Variants in ADGRA3 observed in about 807,000 individuals in gnomAD.
The protein encoded by ADGRA3 is G-protein coupled receptor 125.
Under a neutral mutation model 119.8 loss-of-function variants are expected in ADGRA3, and 56 were observed. That is an observed-to-expected ratio of 0.47 (90% CI 0.38 to 0.58). The LOEUF (loss-of-function observed/expected upper bound fraction) is 0.58, where lower values mean the gene tolerates loss of function less well. Ranked by LOEUF, ADGRA3 falls within the 20% of genes least tolerant of loss-of-function variation. The probability of loss-of-function intolerance (pLI) is 0.00; values close to 1 mark genes in which losing one functional copy is unlikely to be tolerated. For missense variants in ADGRA3, 1,516 were observed against 1,649.0 expected, an observed-to-expected ratio of 0.92 and a Z score of 1.40; for synonymous variants, 607 against 623.8, an observed-to-expected ratio of 0.97 and a Z score of 0.40.
chr4:22,512,985 C>T (rs994054544), intron 1 of ADGRA3, among the ~76,000 whole-genome samples: 6 of 152,178 alleles, frequency 3.9e-5, no homozygotes, highest in South Asian at 4.2e-4. Context: ...GAATCTGGGA[C>T]GTGGACTCTG....
chr4:22,463,820 G>A (rs776038971), intron 2 of ADGRA3, among the ~76,000 whole-genome samples: 8 of 152,182 alleles, frequency 5.3e-5, no homozygotes, highest in Admixed American at 1.3e-4. Flanking sequence ...TTCATTTACC[G>A]TAAGCCCAGC....
At chr4:22,514,259 A>C (rs1041288245) in intron 1 of ADGRA3, among the ~76,000 whole-genome samples, 8 of 149,320 alleles carry the variant, frequency 5.4e-5, no homozygotes, top group African/African-American at 2.1e-4. Context: ...GAATCTGACT[A>C]AGAAATAAAT....
intron 12 of ADGRA3, chr4:22,414,426 A>C (rs937508024): frequency 1.7e-5 from 8 of 465,498 alleles, no homozygotes; most frequent in Admixed American, 3.9e-5. Context: ...ATTTTTTCAG[A>C]TTTCTTTATT....
At chr4:22,476,652 T>C (rs947353365) in intron 1 of ADGRA3, among the ~76,000 whole-genome samples, 5 of 151,494 alleles carry the variant, frequency 3.3e-5, no homozygotes, top group African/African-American at 1.2e-4. Context: ...TTTATTCTTT[T>C]TGGGTTTTTC....
chr4:22,398,045 C>T (rs1714441048), intron 16 of ADGRA3: 1 of 982,546 alleles, frequency 1.0e-6, no homozygotes, highest in Non-Finnish European at 1.2e-6. Flanking sequence ...ACTGAGAACA[C>T]AGAGGAGCTA....
At chr4:22,500,390 A>C (rs1232138135) in intron 1 of ADGRA3, among the ~76,000 whole-genome samples, 1 of 152,206 alleles carries the variant, frequency 6.6e-6, no homozygotes, top group South Asian at 2.1e-4. Flanking sequence ...CTGTTTTAGC[A>C]ATCAGGTGAG....
rs1463671956 is a variant in ADGRA3, at chr4:22,402,757, G to A, written c.2275C>T (p.Leu759=). The change falls in exon 15 of 19, where the codon CTG becomes TTG. Residue 759 remains leucine, a synonymous_variant. Coordinates refer to ENST00000334304, the MANE Select transcript of ADGRA3 (RefSeq NM_145290.4). ...SELYTQAASL[L]HPVVYTTAII... ...GCGGTAGTATAAACCACAGGATGCA[G>A]GAGGCTGGCCGCCTGGGTGTATAGT... 2 of 1,613,854 alleles carry A rather than the reference G, an allele frequency of 1.2e-6. No individual in the cohort carries two copies. The highest frequency in any genetic ancestry group is 1.7e-5 in the Admixed American group (1 of 60,006).
intron 2 of ADGRA3, among the ~76,000 whole-genome samples, chr4:22,466,204 C>G (rs962810869): frequency 7.2e-5 from 11 of 152,180 alleles, no homozygotes; most frequent in African/African-American, 2.7e-4. Context: ...ACTCTCACTT[C>G]CCATCTGCTC....
intron 1 of ADGRA3, among the ~76,000 whole-genome samples, chr4:22,491,273 C>T (rs1224557020): frequency 1.3e-5 from 2 of 152,118 alleles, no homozygotes; most frequent in Non-Finnish European, 2.9e-5. Context: ...TGCCAGACGG[C>T]AAATACTTTG....
intron 1 of ADGRA3, among the ~76,000 whole-genome samples, chr4:22,509,327 C>A (rs1482021991): frequency 1.3e-5 from 2 of 151,782 alleles, no homozygotes; most frequent in African/African-American, 4.8e-5. Context: ...ATGGTGAAAC[C>A]CCATCTCTAC....
rs1560291157 is a variant in ADGRA3 at position 22,388,668 on chromosome 4, A to C, written c.3003T>G (p.Leu1001=). 1.2e-6 allele frequency: 2 copies of C among 1,614,100 alleles called. No individual in the cohort carries two copies. The highest frequency in any genetic ancestry group is 1.7e-6 in the Non-Finnish European group (2 of 1,179,994). The change falls in exon 19 of 19, where the codon CTT becomes CTG. Residue 1001 remains leucine, a synonymous_variant. Coordinates refer to ENST00000334304, the MANE Select transcript of ADGRA3 (RefSeq NM_145290.4). The part of the protein sequence containing the change: ...TFHSQLLGAS[L]TLLLYVALWM... ...ACAGTGCAACATATAAGAGCAAAGT[A>C]AGGCTGGCCCCCAAGAGCTGAGAAT...
chr4:22,447,639 T>TTA, intron 4 of ADGRA3, 128 bp from the exon 5 acceptor site: 1 of 529,456 alleles, frequency 1.9e-6, no homozygotes, highest in Non-Finnish European at 3.3e-6. Flanking sequence ...GTTTCAATGC[T>TTA]TATAAAGAGG....
rs1716348567 is a variant in ADGRA3 at position 22,435,306 on chromosome 4, A to G, written c.1443+5T>C. 1 of 1,609,070 alleles carries G rather than the reference A, an allele frequency of 6.2e-7. No individual in the cohort carries two copies. The highest frequency in any genetic ancestry group is 1.3e-5 in the African/African-American group (1 of 74,828). On this transcript the variant is annotated splice_donor_5th_base_variant and intron_variant, in intron 10 of 18. Transcript: ENST00000334304. ...TATGCTACAAATCTGAATTTAGAGA[A>G]GTACCTCTTTTGATTTTTCCTCCTT...
chr4:22,416,184 T>C (rs966218962), intron 12 of ADGRA3, among the ~76,000 whole-genome samples: 2 of 152,216 alleles, frequency 1.3e-5, no homozygotes, highest in Admixed American at 6.5e-5. Context: ...ATCATGAATA[T>C]ACCTTCTTCC....
chr4:22,432,117 A>T (rs1716200647), intron 10 of ADGRA3, among the ~76,000 whole-genome samples: 1 of 152,148 alleles, frequency 6.6e-6, no homozygotes, highest in African/African-American at 2.4e-5. Context: ...AAAAGTTCTT[A>T]AAAAGTTAAA....
chr4:22,513,202 A>G (rs1278120045), intron 1 of ADGRA3, among the ~76,000 whole-genome samples: 2 of 149,546 alleles, frequency 1.3e-5, no homozygotes, highest in African/African-American at 2.5e-5. Context: ...CTGGAGCGCA[A>G]TGGTGCCTTC....
rs1004249587 is a variant in ADGRA3, at chr4:22,515,792, G to C, written c.-8C>G. ...GCGTCCGGGTGGCTCCATGCTGCGGGCCGGGGCCTGCGGGGCGAGCGGCGG... is the reference window on the plus strand; with the variant it reads ...GCGTCCGGGTGGCTCCATGCTGCGGCCCGGGGCCTGCGGGGCGAGCGGCGG... On this transcript the variant is annotated 5_prime_UTR_variant, in exon 1 of 19. Transcript: ENST00000334304. 5.9e-5 allele frequency: 59 copies of C among 999,470 alleles called. No individual in the cohort carries two copies. The highest frequency in any genetic ancestry group is 6.9e-5 in the Non-Finnish European group (58 of 843,092). 61.9% of individuals were successfully genotyped at this position (999,470 alleles called of 1,614,324 possible).
At position 22,422,616 on chromosome 4, in the gene ADGRA3, A is replaced by G. The variant is rs117797590; in HGVS notation, c.1606-1527T>C. On this transcript the variant is annotated intron_variant, in intron 11 of 18. Coordinates refer to ENST00000334304, the MANE Select transcript of ADGRA3 (RefSeq NM_145290.4). ...GTCATTTTGAGGCACCTGTGAAGCC[A>G]TATCATTTTACTTATTATACATAGA... is the stretch of plus-strand genomic sequence containing the variant. Among the ~76,000 whole-genome samples the G allele has an allele frequency of 9.1e-3, 1,384 of 152,300 alleles. 43 individuals carry two copies. Among genetic ancestry groups the G allele is most frequent in the South Asian group, 0.056 (270 of 4,824 alleles).
At chr4:22,404,597 T>C (rs1714815358) in intron 14 of ADGRA3, among the ~76,000 whole-genome samples, 1 of 152,196 alleles carries the variant, frequency 6.6e-6, no homozygotes, top group Non-Finnish European at 1.5e-5. Context: ...CAGTACCAAG[T>C]AATGGATATA....
Sources: allele counts gnomAD v4.1 joint callset (sites outside exome capture counted in the v4.1 genomes callset), GRCh38; gene constraint gnomAD v4.1.1; transcripts MANE v1.5; gene names NCBI Gene and HGNC (gene_info 2026-07-23, HGNC 2026-07-21).